Variants in COMMD1 observed in about 807,000 individuals in gnomAD.
COMMD1 encodes copper metabolism domain containing 1, also known as COMM domain-containing protein 1.
Under a neutral mutation model 17.2 loss-of-function variants are expected in COMMD1, and 10 were observed. The observed-to-expected ratio is 0.58, with a 90% CI of 0.36 to 0.99. COMMD1 has a LOEUF of 0.99. Among genes scored for constraint, COMMD1 ranks in the 50% least tolerant of loss-of-function variants. The probability of loss-of-function intolerance (pLI) is 0.01; values close to 1 mark genes in which losing one functional copy is unlikely to be tolerated. For synonymous variants in COMMD1, 97 were observed against 91.6 expected (o/e 1.06, Z -0.34); for missense variants, 270 against 231.8 (o/e 1.17, Z -1.07).
chr2:62,030,476 C>G (rs1393167636), intron 2 of COMMD1, among the ~76,000 whole-genome samples: 1 of 152,172 alleles, frequency 6.6e-6, no homozygotes, highest in Non-Finnish European at 1.5e-5. Flanking sequence ...TCTCTAGCCA[C>G]TAGTCAACAG....
At chr2:62,121,988 G>GCCATGTTGCCCAGGCTGGTCTCAAACT (rs1438538997) in intron 2 of COMMD1, among the ~76,000 whole-genome samples, 1 of 151,974 alleles carries the variant, frequency 6.6e-6, no homozygotes, top group Non-Finnish European at 1.5e-5. Flanking sequence ...AGACGGGGTT[G>GCCATGTTGCCCAGGCTGGTCTCAAACT]CCATGTTGCC....
chr2:62,078,770 G>T (rs1310635375), intron 2 of COMMD1, among the ~76,000 whole-genome samples: 1 of 151,604 alleles, frequency 6.6e-6, no homozygotes, highest in Non-Finnish European at 1.5e-5. Context: ...CCAGCCACTC[G>T]GTAGGCTGAG....
At chr2:61,901,161 G>A (rs1324737851), upstream of COMMD1, among the ~76,000 whole-genome samples, 4 of 151,714 alleles carry the variant, frequency 2.6e-5, no homozygotes, top group African/African-American at 9.7e-5. Context: ...TGGCCATGCT[G>A]GTCTTGAACT....
chr2:61,961,056 G>A (rs1019378169), intron 1 of COMMD1, among the ~76,000 whole-genome samples: 1 of 152,216 alleles, frequency 6.6e-6, no homozygotes, highest in East Asian at 1.9e-4. Context: ...GCAAGAGACT[G>A]CCCTAGAGGG....
At chr2:62,107,924 G>T (rs1444893629) in intron 2 of COMMD1, among the ~76,000 whole-genome samples, 1 of 152,062 alleles carries the variant, frequency 6.6e-6, no homozygotes, top group African/African-American at 2.4e-5. Context: ...AAAAACTCTA[G>T]AATTCAATGT....
intron 2 of COMMD1, among the ~76,000 whole-genome samples, chr2:62,065,338 CTTTTTTTTTTTTT>C (rs57243558): frequency 2.3e-5 from 1 of 44,378 alleles, no homozygotes; most frequent in Non-Finnish European, 4.4e-5. Context: ...TATGTACTTA[CTTTTTTTTTTTTT>C]TTTTTTTTTT....
chr2:62,006,060 T>C (rs1288356963), intron 2 of COMMD1, among the ~76,000 whole-genome samples: 4 of 151,164 alleles, frequency 2.6e-5, no homozygotes, highest in African/African-American at 4.9e-5. Flanking sequence ...ATGGATGAAA[T>C]TGGAAATCAT....
At chr2:62,027,104 C>CA (rs1669780286) in intron 2 of COMMD1, among the ~76,000 whole-genome samples, 1 of 152,008 alleles carries the variant, frequency 6.6e-6, no homozygotes, top group African/African-American at 2.4e-5. Context: ...TCACTTTTGT[C>CA]AAAAAATCAC....
At chr2:61,959,786 T>C (rs1671290811) in intron 1 of COMMD1, among the ~76,000 whole-genome samples, 1 of 152,240 alleles carries the variant, frequency 6.6e-6, no homozygotes, top group East Asian at 1.9e-4. Context: ...GCTTTACTTT[T>C]TGCAGAAAGG....
At position 61,945,463 on chromosome 2, in the gene COMMD1, C is replaced by T. The variant is rs570421384; in HGVS notation, c.180+39605C>T. 2.0e-5 allele frequency among the ~76,000 whole-genome samples: 3 copies of T among 152,320 alleles called. No homozygotes were observed. In the South Asian group the frequency reaches 6.2e-4, roughly 32 times the overall value. ...TCTTGGTTTGAGAGTAAAGATAGAT[C>T]AAGCTGGTACCAAGCACCAGTAGGC... On this transcript the variant is annotated intron_variant, in intron 1 of 2. Transcript: ENST00000311832.
intron 1 of COMMD1, among the ~76,000 whole-genome samples, chr2:61,896,072 G>A (rs1049896036): frequency 6.6e-6 from 1 of 152,184 alleles, no homozygotes. Flanking sequence ...GACTGGAAGA[G>A]GTGTTTGTTG....
chr2:61,950,958 A>G (rs970132849), intron 1 of COMMD1, among the ~76,000 whole-genome samples: 13 of 152,206 alleles, frequency 8.5e-5, no homozygotes, highest in African/African-American at 2.7e-4. Context: ...CAAACTGCAG[A>G]TAAGGAGGAA....
intron 1 of COMMD1, among the ~76,000 whole-genome samples, chr2:61,986,717 C>T (rs1218500026): frequency 3.3e-5 from 5 of 151,606 alleles, no homozygotes; most frequent in Admixed American, 2.0e-4. Context: ...TGCAGGCAAG[C>T]GCCACCATGC....
intron 1 of COMMD1, among the ~76,000 whole-genome samples, chr2:61,972,216 C>T (rs772495845): frequency 2.0e-5 from 3 of 152,034 alleles, no homozygotes; most frequent in Non-Finnish European, 4.4e-5. Flanking sequence ...GTAGAAAATT[C>T]TCATTAAAGA....
Position 61,941,046 on chromosome 2 carries a change from T to G in COMMD1, c.180+35188T>G, listed in dbSNP as rs28834117. Among the ~76,000 whole-genome samples the G allele has an allele frequency of 5.3e-4, 80 of 150,150 alleles. 1 individual carries two copies. Among genetic ancestry groups the G allele is most frequent in the African/African-American group, 1.9e-3 (76 of 40,610 alleles). On this transcript the variant is annotated intron_variant, in intron 1 of 2. Transcript: ENST00000311832. ...CTTTTTTTTGTTAATAACCCCCCCT[T>G]TTTTTTTGGGATGGAGTCTCGCCCA...
chr2:62,045,315 G>A (rs1670347651), intron 2 of COMMD1, among the ~76,000 whole-genome samples: 1 of 152,186 alleles, frequency 6.6e-6, no homozygotes, highest in Non-Finnish European at 1.5e-5. Flanking sequence ...ATCTTAGATT[G>A]TATAGTAGTG....
chr2:62,037,720 T>A lies in COMMD1; in HGVS notation c.462+36738T>A, dbSNP rs142011786. Among the ~76,000 whole-genome samples, 665 of 152,346 alleles carry A rather than the reference T, an allele frequency of 4.4e-3. 4 individuals carry two copies. Among genetic ancestry groups the A allele is most frequent in the Middle Eastern group, 0.017 (5 of 294 alleles). On this transcript the variant is annotated intron_variant, in intron 2 of 2. Coordinates refer to ENST00000311832, the MANE Select transcript of COMMD1 (RefSeq NM_152516.4). ...ATGGCTCTGGCCCTAATAGCCATTT[T>A]AGTTGGAGGAGCTCCAGTTTTATCT...
intron 2 of COMMD1, among the ~76,000 whole-genome samples, chr2:62,008,713 G>T (rs1212110175): frequency 6.6e-6 from 1 of 152,218 alleles, no homozygotes; most frequent in Non-Finnish European, 1.5e-5. Context: ...TCATTTGTCA[G>T]TAGGGATTGA....
intron 2 of COMMD1, among the ~76,000 whole-genome samples, chr2:62,112,940 T>C (rs1365157392): frequency 6.6e-6 from 1 of 152,212 alleles, no homozygotes; most frequent in Non-Finnish European, 1.5e-5. Flanking sequence ...TTTCTAACCC[T>C]AATCTTCAAA....
Sources: allele counts gnomAD v4.1 joint callset (sites outside exome capture counted in the v4.1 genomes callset), GRCh38; gene constraint gnomAD v4.1.1; transcripts MANE v1.5; gene names NCBI Gene and HGNC (gene_info 2026-07-23, HGNC 2026-07-21).